FAM110B: variants seen among roughly 807,000 people sequenced by gnomAD.
FAM110B encodes protein FAM110B.
Under a neutral mutation model 20.4 loss-of-function variants are expected in FAM110B, and 6 were observed. The ratio of observed to expected loss-of-function variants is 0.29; its 90% CI spans 0.16 to 0.58. FAM110B has a LOEUF of 0.58. Among genes scored for constraint, FAM110B ranks in the 20% least tolerant of loss-of-function variants. The pLI is 0.90. For missense variants in FAM110B, 434 were observed against 498.2 expected, an observed-to-expected ratio of 0.87 and a Z score of 1.23; for synonymous variants, 226 against 214.1, an observed-to-expected ratio of 1.06 and a Z score of -0.49.
chr8:58,098,771 G>T (rs571570370), intron 3 of FAM110B, among the ~76,000 whole-genome samples: 1 of 152,192 alleles, frequency 6.6e-6, no homozygotes, highest in South Asian at 2.1e-4. Flanking sequence ...GCTTCCCTTG[G>T]CTAGGGGAGG....
chr8:58,029,747 A>G (rs1432197574), intron 1 of FAM110B, among the ~76,000 whole-genome samples: 2 of 152,122 alleles, frequency 1.3e-5, no homozygotes, highest in Admixed American at 1.3e-4. Flanking sequence ...AGTCAACTGG[A>G]GCAGATGACC....
At chr8:58,036,397 C>T (rs1355015367) in intron 2 of FAM110B, among the ~76,000 whole-genome samples, 3 of 152,312 alleles carry the variant, frequency 2.0e-5, no homozygotes, top group Non-Finnish European at 2.9e-5. Context: ...TACCATTCCT[C>T]ATGGTGGAAA....
At chr8:57,997,588 C>A (rs1259834024) in intron 1 of FAM110B, among the ~76,000 whole-genome samples, 1 of 152,154 alleles carries the variant, frequency 6.6e-6, no homozygotes, top group East Asian at 1.9e-4. Context: ...AAAACAACTT[C>A]CTAGGGCCAA....
At chr8:58,012,661 G>C (rs137868504) in intron 1 of FAM110B, among the ~76,000 whole-genome samples, 39 of 152,226 alleles carry the variant, frequency 2.6e-4, no homozygotes, top group African/African-American at 9.4e-4. Context: ...GTGGCAGACA[G>C]CCCTTTCAGT....
At chr8:58,019,171 C>G (rs930926724) in intron 1 of FAM110B, among the ~76,000 whole-genome samples, 20 of 151,444 alleles carry the variant, frequency 1.3e-4, no homozygotes, top group African/African-American at 4.8e-4. Context: ...CCCATCTACA[C>G]TAAAAAAAAT....
At chr8:58,075,696 T>A (rs1806021759) in intron 3 of FAM110B, 73 bp downstream of exon 3, 1 of 152,156 alleles carries the variant, frequency 6.6e-6, no homozygotes, top group Non-Finnish European at 1.5e-5. Context: ...TGTGTCATTA[T>A]TGCACTAAGA....
intron 3 of FAM110B, among the ~76,000 whole-genome samples, chr8:58,118,090 G>A (rs1188472036): frequency 6.6e-6 from 1 of 152,096 alleles, no homozygotes; most frequent in African/African-American, 2.4e-5. Flanking sequence ...TTTATGTTTA[G>A]CTTTAAGTTT....
intron 3 of FAM110B, among the ~76,000 whole-genome samples, chr8:58,126,801 C>T (rs1807518124): frequency 6.6e-6 from 1 of 152,020 alleles, no homozygotes; most frequent in African/African-American, 2.4e-5. Context: ...TAGATATGAG[C>T]CCTTTGTCAG....
intron 3 of FAM110B, among the ~76,000 whole-genome samples, chr8:58,119,480 T>G (rs1807300992): frequency 6.6e-6 from 1 of 152,164 alleles, no homozygotes; most frequent in African/African-American, 2.4e-5. Context: ...AAGGCTACAC[T>G]TTTTAATACT....
intron 3 of FAM110B, among the ~76,000 whole-genome samples, chr8:58,085,374 G>A (rs564858077): frequency 2.0e-5 from 3 of 152,248 alleles, no homozygotes; most frequent in South Asian, 4.1e-4. Context: ...TTAGCCAGAT[G>A]TGGTGGCGGG....
chr8:58,117,062 C>T (rs1042666874), intron 3 of FAM110B, among the ~76,000 whole-genome samples: 1 of 152,176 alleles, frequency 6.6e-6, no homozygotes, highest in Non-Finnish European at 1.5e-5. Flanking sequence ...CAAAGAGCCT[C>T]TATTGTGGCA....
intron 1 of FAM110B, among the ~76,000 whole-genome samples, chr8:58,000,510 A>G (rs1298268754): frequency 6.6e-6 from 1 of 152,152 alleles, no homozygotes; most frequent in Admixed American, 6.5e-5. Context: ...CTTGTTGACT[A>G]CAATCCTTGG....
At chr8:58,101,503 A>AT (rs566486778) in intron 3 of FAM110B, among the ~76,000 whole-genome samples, 12 of 152,186 alleles carry the variant, frequency 7.9e-5, no homozygotes, top group African/African-American at 2.4e-4. Context: ...CTCTCTAAAC[A>AT]TTTTTTTAAA....
intron 3 of FAM110B, among the ~76,000 whole-genome samples, chr8:58,104,318 A>G (rs1023883927): frequency 6.6e-6 from 1 of 152,228 alleles, no homozygotes; most frequent in Non-Finnish European, 1.5e-5. Context: ...AGCACCTGAG[A>G]GCAGCTAAGA....
intron 3 of FAM110B, among the ~76,000 whole-genome samples, chr8:58,096,944 A>G (rs1322881404): frequency 6.6e-6 from 1 of 152,124 alleles, no homozygotes; most frequent in Admixed American, 6.5e-5. Context: ...TTTGTGGGTA[A>G]CCCGACCTTT....
At chr8:58,083,558 T>C (rs1175133634) in intron 3 of FAM110B, among the ~76,000 whole-genome samples, 4 of 152,232 alleles carry the variant, frequency 2.6e-5, no homozygotes, top group Non-Finnish European at 5.9e-5. Context: ...AGAGATTCAA[T>C]TATTTGTGAT....
intron 3 of FAM110B, among the ~76,000 whole-genome samples, chr8:58,137,937 G>C (rs1803657352): frequency 6.6e-6 from 1 of 152,156 alleles, no homozygotes; most frequent in Non-Finnish European, 1.5e-5. Flanking sequence ...AGTTAAACTG[G>C]TTTCTCTTCT....
chr8:58,016,195 T>C (rs751106416), intron 1 of FAM110B, among the ~76,000 whole-genome samples: 12 of 152,192 alleles, frequency 7.9e-5, no homozygotes, highest in Admixed American at 3.9e-4. Context: ...AAATAAATGC[T>C]TTTAGAAAAT....
intron 2 of FAM110B, among the ~76,000 whole-genome samples, chr8:58,047,480 A>C (rs1303323433): frequency 6.6e-6 from 1 of 152,198 alleles, no homozygotes; most frequent in Middle Eastern, 3.4e-3. Flanking sequence ...GCACCATCAC[A>C]GTCTCCAACC....
Sources: allele counts gnomAD v4.1 joint callset (sites outside exome capture counted in the v4.1 genomes callset), GRCh38; gene constraint gnomAD v4.1.1; transcripts MANE v1.5; gene names NCBI Gene and HGNC (gene_info 2026-07-23, HGNC 2026-07-21).